WDR27: variants seen among roughly 807,000 people sequenced by gnomAD.
WDR27 encodes the protein WD repeat domain 27.
WDR27 carries 100 observed loss-of-function variants against 114.4 expected under a neutral mutation model. The ratio of observed to expected loss-of-function variants is 0.87; its 90% CI spans 0.74 to 1.03. The LOEUF is 1.03. Ranked by LOEUF, WDR27 falls within the 50% of genes least tolerant of loss-of-function variation. The probability of loss-of-function intolerance (pLI) is 0.00; values close to 1 mark genes in which losing one functional copy is unlikely to be tolerated. For synonymous variants in WDR27, 449 were observed against 423.1 expected, an observed-to-expected ratio of 1.06 and a Z score of -0.75; for missense variants, 1,129 against 1,092.9, an observed-to-expected ratio of 1.03 and a Z score of -0.47.
chr6:169,608,716 G>A (rs1048324383), intron 22 of WDR27, among the ~76,000 whole-genome samples: 13 of 152,004 alleles, frequency 8.6e-5, no homozygotes, highest in Admixed American at 6.6e-4. Context: ...ATTCCACCCC[G>A]GCCTTCCAAA....
chr6:169,518,883 CA>C (rs1385790682), intron 25 of WDR27, among the ~76,000 whole-genome samples: 3 of 152,192 alleles, frequency 2.0e-5, no homozygotes, highest in Non-Finnish European at 2.9e-5. Flanking sequence ...CGCATCTGAC[CA>C]AAGCCTGTTA....
intron 25 of WDR27, among the ~76,000 whole-genome samples, chr6:169,510,440 A>C (rs1262709991): frequency 5.3e-5 from 8 of 152,104 alleles, no homozygotes; most frequent in Non-Finnish European, 1.2e-4. Context: ...ACCATGGAAT[A>C]CTATGCAGCC....
intron 21 of WDR27, 54 bp downstream of exon 21, chr6:169,632,893 T>C: frequency 6.7e-7 from 1 of 1,487,288 alleles, no homozygotes. Context: ...ATCTGTTAAA[T>C]GCTTTAAGCA....
intron 2 of WDR27, among the ~76,000 whole-genome samples, chr6:169,682,018 A>G (rs28415024): frequency 6.6e-6 from 1 of 152,134 alleles, no homozygotes; most frequent in Non-Finnish European, 1.5e-5. Context: ...TCATCTCTGC[A>G]GGGACTTCCT....
intron 23 of WDR27, among the ~76,000 whole-genome samples, chr6:169,598,890 C>T (rs1020919239): frequency 6.6e-6 from 1 of 152,204 alleles, no homozygotes; most frequent in African/African-American, 2.4e-5. Context: ...TTACTGCCAG[C>T]GCTCATTTAA....
At chr6:169,592,298 T>C (rs931101711) in intron 23 of WDR27, among the ~76,000 whole-genome samples, 10 of 152,322 alleles carry the variant, frequency 6.6e-5, no homozygotes, top group African/African-American at 2.4e-4. Flanking sequence ...TACAGAGAAC[T>C]GCCTTCTTTA....
At chr6:169,667,258 G>T in intron 5 of WDR27, 71 bp from the exon 6 acceptor site, 1 of 1,376,440 alleles carries the variant, frequency 7.3e-7, no homozygotes, top group East Asian at 2.9e-5. Context: ...GAAGCTAACA[G>T]TACTATTCAC....
chr6:169,482,706 TCAC>T (rs1788349037), intron 25 of WDR27, among the ~76,000 whole-genome samples: 1 of 152,150 alleles, frequency 6.6e-6, no homozygotes, highest in Non-Finnish European at 1.5e-5. Context: ...TCTACAGAAC[TCAC>T]CATCCTAAAA....
At chr6:169,657,880 C>G (rs1438193789) in intron 13 of WDR27, 1 of 169,230 alleles carries the variant, frequency 5.9e-6, no homozygotes, top group South Asian at 1.6e-4. Context: ...GAAATGCACA[C>G]TCAAGTGTGC....
intron 25 of WDR27, among the ~76,000 whole-genome samples, chr6:169,569,810 A>G (rs1028312850): frequency 4.6e-5 from 7 of 152,190 alleles, no homozygotes; most frequent in African/African-American, 1.7e-4. Context: ...CCATCTCTAC[A>G]TTTAATTCTA....
chr6:169,532,462 T>C (rs915282839), intron 25 of WDR27, among the ~76,000 whole-genome samples: 4 of 151,954 alleles, frequency 2.6e-5, no homozygotes, highest in Admixed American at 2.0e-4. Flanking sequence ...TAATATTGAG[T>C]AGAAAATTTT....
chr6:169,517,335 C>T (rs1357503635), intron 25 of WDR27, among the ~76,000 whole-genome samples: 1 of 152,166 alleles, frequency 6.6e-6, no homozygotes, highest in Admixed American at 6.6e-5. Context: ...GCCAATTAAA[C>T]CTCTTTTCTT....
At chr6:169,549,624 C>T (rs564784271) in intron 25 of WDR27, among the ~76,000 whole-genome samples, 5 of 152,284 alleles carry the variant, frequency 3.3e-5, no homozygotes, top group Middle Eastern at 6.8e-3. Context: ...GCTACAAAGA[C>T]GTGCTTCAGT....
intron 9 of WDR27, among the ~76,000 whole-genome samples, 178 bp downstream of exon 9, chr6:169,662,126 C>T (rs1826317424): frequency 6.6e-6 from 1 of 152,176 alleles, no homozygotes; most frequent in South Asian, 2.1e-4. Context: ...CGTATCATTG[C>T]CCAAGTTTAC....
chr6:169,552,729 C>T (rs1798319310), intron 25 of WDR27, among the ~76,000 whole-genome samples: 1 of 152,132 alleles, frequency 6.6e-6, no homozygotes, highest in Admixed American at 6.5e-5. Flanking sequence ...AATGTTTAAA[C>T]ATTGTTAGTG....
chr6:169,432,751 G>A, the WDR27 span, among the ~76,000 whole-genome samples: 2 of 152,120 alleles, frequency 1.3e-5, no homozygotes, highest in Non-Finnish European at 2.9e-5. Flanking sequence ...CAGTAAACTG[G>A]TACCAGGTAG....
intron 13 of WDR27, among the ~76,000 whole-genome samples, chr6:169,656,508 G>A (rs190830378): frequency 4.0e-4 from 61 of 152,216 alleles, no homozygotes; most frequent in Non-Finnish European, 5.0e-4. Flanking sequence ...GAGACCAGGC[G>A]GGGTGGGGGG....
At chr6:169,633,113 T>G in intron 20 of WDR27, 45 bp from the exon 21 acceptor site, 1 of 1,549,358 alleles carries the variant, frequency 6.5e-7, no homozygotes, top group Non-Finnish European at 8.8e-7. Flanking sequence ...CTCTTACCCA[T>G]GGGGAAGGGA....
the WDR27 span, among the ~76,000 whole-genome samples, chr6:169,430,380 C>A: frequency 1.3e-5 from 2 of 152,206 alleles, no homozygotes; most frequent in Admixed American, 1.3e-4. Flanking sequence ...GGTAGAGAAT[C>A]AGATGTGTGG....
Sources: allele counts gnomAD v4.1 joint callset (sites outside exome capture counted in the v4.1 genomes callset), GRCh38; gene constraint gnomAD v4.1.1; transcripts MANE v1.5; gene names NCBI Gene and HGNC (gene_info 2026-07-23, HGNC 2026-07-21).